The following ENPP4 variants were observed in gnomAD, a reference collection of about 807,000 sequenced individuals.
ENPP4 encodes the protein ectonucleotide pyrophosphatase/phosphodiesterase 4, also known as bis(5'-adenosyl)-triphosphatase ENPP4.
Under a neutral mutation model 33.4 loss-of-function variants are expected in ENPP4, and 18 were observed. That is an observed-to-expected ratio of 0.54 (90% CI 0.37 to 0.80). The LOEUF is 0.80. Among genes scored for constraint, ENPP4 ranks in the 30% least tolerant of loss-of-function variants. ENPP4 has a pLI of 0.00. For synonymous variants in ENPP4, 172 were observed against 189.9 expected (o/e 0.91, Z 0.78); for missense variants, 480 against 541.7 (o/e 0.89, Z 1.13).
intron 1 of ENPP4, among the ~76,000 whole-genome samples, chr6:46,131,893 C>A (rs1354159958): frequency 6.6e-6 from 1 of 152,276 alleles, no homozygotes; most frequent in South Asian, 2.1e-4. Flanking sequence ...TTGATTTGCA[C>A]TTCTCTGATG....
At position 46,145,231 on chromosome 6, in the gene ENPP4, G is replaced by A. The variant is rs937796739; in HGVS notation, c.*1591G>A. 5.1e-5 allele frequency: 15 copies of A among 291,720 alleles called. No individual in the cohort carries two copies. The East Asian group carries it at 6.9e-4, about 14-fold the overall frequency. 18.1% of individuals were successfully genotyped at this position (291,720 alleles called of 1,614,324 possible). On this transcript the variant is annotated 3_prime_UTR_variant, in exon 4 of 4. Transcript: ENST00000321037. Reference sequence around the variant, plus strand: ...GTGCCAGTCATCAAACATACAGTGCGTCCTATTGAGTCACTGCTAATTTCT... The same window carrying A: ...GTGCCAGTCATCAAACATACAGTGCATCCTATTGAGTCACTGCTAATTTCT...
rs1764122150 is a variant in ENPP4, at chr6:46,144,925, T to G, written c.*1285T>G. Reference sequence around the variant, plus strand: ...AACATGTTTGTTCAGAGCCAAGGGTTTATTGTGAAGAACTGTCATCCTGCC... The same window carrying G: ...AACATGTTTGTTCAGAGCCAAGGGTGTATTGTGAAGAACTGTCATCCTGCC... On this transcript the variant is annotated 3_prime_UTR_variant, in exon 4 of 4. Transcript: ENST00000321037. 1 of 396,256 alleles carries G rather than the reference T, an allele frequency of 2.5e-6. No individual in the cohort carries two copies. Among genetic ancestry groups the G allele is most frequent in the Non-Finnish European group, 4.5e-6 (1 of 224,476 alleles). The allele number at this position is 396,256 out of a possible 1,614,324, so 24.5% of individuals were successfully genotyped here. A position where few individuals can be genotyped will look rare whatever the true frequency, so the allele number is the denominator to read the frequency against.
Position 46,140,129 on chromosome 6 carries a change from A to G in ENPP4, c.546A>G (p.Thr182=). The change falls in exon 2 of 4, where the codon ACA becomes ACG. Residue 182 remains threonine (T), a synonymous_variant. Transcript: ENST00000321037. Reference sequence around the variant, plus strand: ...CGAACCCACCAGTCACCTTTGCAACACTATATTGGGAAGAACCAGATGCAA... The same window carrying G: ...CGAACCCACCAGTCACCTTTGCAACGCTATATTGGGAAGAACCAGATGCAA... ...NNSNPPVTFA[T]LYWEEPDASG... is the part of the protein sequence containing the mutation. 1 of 1,612,606 alleles carries G rather than the reference A, an allele frequency of 6.2e-7. No individual in the cohort carries two copies. The highest frequency in any genetic ancestry group is 8.5e-7 in the Non-Finnish European group (1 of 1,179,052).
chr6:46,130,667 C>T (rs1763881652), intron 1 of ENPP4, among the ~76,000 whole-genome samples: 1 of 152,170 alleles, frequency 6.6e-6, no homozygotes, highest in Non-Finnish European at 1.5e-5. Context: ...ACAAGCCAAC[C>T]AAACAATAAA....
chr6:46,138,279 G>A (rs1764004002), intron 1 of ENPP4, among the ~76,000 whole-genome samples: 1 of 151,822 alleles, frequency 6.6e-6, no homozygotes, highest in South Asian at 2.1e-4. Flanking sequence ...CTGCTCTTTA[G>A]TTAGCATCTT....
At chr6:46,131,663 G>T (rs569578338) in intron 1 of ENPP4, among the ~76,000 whole-genome samples, 2 of 152,064 alleles carry the variant, frequency 1.3e-5, no homozygotes, top group South Asian at 4.2e-4. Context: ...AGTCCTTTGG[G>T]TATATACCCA....
intron 1 of ENPP4, among the ~76,000 whole-genome samples, chr6:46,135,649 G>A (rs565475791): frequency 2.6e-5 from 4 of 152,002 alleles, no homozygotes; most frequent in Non-Finnish European, 4.4e-5. Context: ...TTTGAGGCAC[G>A]AGACTTTTTA....
chr6:46,143,448 T>A lies in ENPP4; in HGVS notation c.1170T>A (p.Gly390=), dbSNP rs1764097898. Residue 390 remains glycine (G), a synonymous_variant, in exon 4 of 4, where the codon GGT becomes GGA. Transcript: ENST00000321037. ...CACATCCCAATAATGGGACCTTTGG[T>A]CATACTAAGTGCTTGTTAGTTGACC... ...LKPHPNNGTF[G]HTKCLLVDQW... 1 of 1,612,700 alleles carries A rather than the reference T, an allele frequency of 6.2e-7. No individual in the cohort carries two copies. The highest frequency in any genetic ancestry group is 1.1e-5 in the South Asian group (1 of 91,052).
chr6:46,133,726 T>C (rs1391299011), intron 1 of ENPP4, among the ~76,000 whole-genome samples: 1 of 152,190 alleles, frequency 6.6e-6, no homozygotes, highest in Non-Finnish European at 1.5e-5. Context: ...ACTGTAACAG[T>C]TTCATTCCCT....
At chr6:46,140,605 T>C (rs933098390) in intron 2 of ENPP4, among the ~76,000 whole-genome samples, 196 bp downstream of exon 2, 3 of 151,718 alleles carry the variant, frequency 2.0e-5, no homozygotes, top group African/African-American at 7.3e-5. Flanking sequence ...GGCTTATGGT[T>C]TAGTTTCAAA....
At chr6:46,130,848 C>T (rs1436595887) in intron 1 of ENPP4, among the ~76,000 whole-genome samples, 1 of 152,306 alleles carries the variant, frequency 6.6e-6, no homozygotes, top group East Asian at 1.9e-4. Context: ...CAAGATTGTA[C>T]AACTAGTGAC....
chr6:46,140,901 C>T, intron 2 of ENPP4, 151 bp from the exon 3 acceptor site: 1 of 563,214 alleles, frequency 1.8e-6, no homozygotes, highest in African/African-American at 1.9e-5. Context: ...TATCAGTCCC[C>T]AACACTCTCA....
intron 1 of ENPP4, among the ~76,000 whole-genome samples, chr6:46,138,093 G>A (rs1457432363): frequency 1.3e-5 from 2 of 151,750 alleles, no homozygotes; most frequent in Non-Finnish European, 2.9e-5. Context: ...CTGAAATAAT[G>A]CATTCACTTG....
Position 46,145,117 on chromosome 6 carries a change from A to G in ENPP4, c.*1477A>G, listed in dbSNP as rs779748665. On this transcript the variant is annotated 3_prime_UTR_variant, in exon 4 of 4. Transcript: ENST00000321037. ...TTAAAGTTTTGACAATATAAAATAA[A>G]CTTGGTAACTGTTTTACAAATATAA... The G allele has an allele frequency of 4.9e-5, 19 of 387,952 alleles. No homozygotes were observed. Among genetic ancestry groups the G allele is most frequent in the Non-Finnish European group, 7.8e-5 (17 of 219,090 alleles). The allele number at this position is 387,952 out of a possible 1,614,324, so 24.0% of individuals were successfully genotyped here.
intron 1 of ENPP4, among the ~76,000 whole-genome samples, chr6:46,132,088 C>G (rs1373823326): frequency 6.6e-6 from 1 of 152,034 alleles, no homozygotes; most frequent in African/African-American, 2.4e-5. Flanking sequence ...TGAAAATTTT[C>G]TCCCATTTTG....
At chr6:46,137,354 A>C (rs560916825) in intron 1 of ENPP4, among the ~76,000 whole-genome samples, 8 of 152,004 alleles carry the variant, frequency 5.3e-5, no homozygotes, top group East Asian at 3.9e-4. Flanking sequence ...TTGGAAAGAA[A>C]TATTTGGATA....
intron 1 of ENPP4, among the ~76,000 whole-genome samples, chr6:46,135,267 A>G (rs1763960869): frequency 6.6e-6 from 1 of 152,106 alleles, no homozygotes; most frequent in South Asian, 2.1e-4. Context: ...AATATTTTCC[A>G]AAGTGGCTGT....
Position 46,143,535 on chromosome 6 carries a change from C to G in ENPP4, c.1257C>G (p.Thr419=). 1 of 1,612,668 alleles carries G rather than the reference C, an allele frequency of 6.2e-7. No individual in the cohort carries two copies. The highest frequency in any genetic ancestry group is 8.5e-7 in the Non-Finnish European group (1 of 1,178,976). ...AIVIGSLLVL[T]MLTCLIIIMQ... is the part of the protein sequence containing the mutation. ...TTATCGGTTCACTCTTGGTGTTAAC[C>G]ATGCTAACATGCCTCATAATAATCA... is the stretch of plus-strand genomic sequence containing the variant. Residue 419 remains threonine (T), a synonymous_variant, in exon 4 of 4, where the codon ACC becomes ACG. Transcript: ENST00000321037.
intron 1 of ENPP4, 136 bp from the exon 2 acceptor site, chr6:46,139,415 T>C: frequency 3.8e-6 from 2 of 527,042 alleles, no homozygotes; most frequent in Non-Finnish European, 6.7e-6. Context: ...TATTTTTAAA[T>C]AAATGGTATT....
Sources: gnomAD v4.1 joint callset for allele counts (sites outside exome capture counted in the v4.1 genomes callset) on GRCh38, gnomAD v4.1.1 for gene constraint, MANE v1.5 for transcripts, NCBI Gene and HGNC (gene_info 2026-07-23, HGNC 2026-07-21) for gene names.